The following SLC44A1 variants were observed in gnomAD, a reference collection of about 807,000 sequenced individuals.
SLC44A1 encodes the protein choline transporter-like protein 1.
SLC44A1 carries 26 observed loss-of-function variants against 79.3 expected under a neutral mutation model. The observed-to-expected ratio is 0.33, with a 90% CI of 0.24 to 0.46. The LOEUF (loss-of-function observed/expected upper bound fraction) is 0.46, where lower values mean the gene tolerates loss of function less well. Ranked by LOEUF, SLC44A1 falls within the 20% of genes least tolerant of loss-of-function variation. The pLI is 1.00. For synonymous variants in SLC44A1, 263 were observed against 286.2 expected (o/e 0.92, Z 0.82); for missense variants, 688 against 798.1 (o/e 0.86, Z 1.66).
At position 105,389,525 on chromosome 9, in the gene SLC44A1, A is replaced by T; in HGVS notation, c.*469A>T. Reference sequence around the variant, plus strand: ...GCATAAGTCCTAGTGGGTCAAGACTAGGCATATGCTTTCAGATAAATAAGG... The same window carrying T: ...GCATAAGTCCTAGTGGGTCAAGACTTGGCATATGCTTTCAGATAAATAAGG... On this transcript the variant is annotated 3_prime_UTR_variant, in exon 16 of 16. Coordinates refer to ENST00000374720, the MANE Select transcript of SLC44A1 (RefSeq NM_080546.5). 1 of 1,059,714 alleles carries T rather than the reference A, an allele frequency of 9.4e-7. No homozygotes were observed. Among genetic ancestry groups the T allele is most frequent in the Non-Finnish European group, 1.1e-6 (1 of 878,462 alleles). The allele number at this position is 1,059,714 out of a possible 1,614,324, so 65.6% of individuals were successfully genotyped here.
intron 10 of SLC44A1, 84 bp from the exon 11 acceptor site, chr9:105,365,399 C>A: frequency 1.0e-6 from 1 of 1,003,442 alleles, no homozygotes; most frequent in Non-Finnish European, 1.5e-6. Flanking sequence ...TTTTTTTTCA[C>A]TGCGTTGGAC....
chr9:105,295,638 T>C (rs1442752843), intron 1 of SLC44A1, among the ~76,000 whole-genome samples: 5 of 152,206 alleles, frequency 3.3e-5, no homozygotes, highest in Admixed American at 3.3e-4. Context: ...AATTATTGAG[T>C]TGGCTCCCAA....
Position 105,392,373 on chromosome 9 carries a change from CT to C in SLC44A1, c.*3321del. The C allele has an allele frequency of 1.4e-6, 1 of 695,066 alleles. No individual in the cohort carries two copies. Among genetic ancestry groups the C allele is most frequent in the African/African-American group, 2.7e-5 (1 of 36,448 alleles). 43.1% of individuals were successfully genotyped at this position (695,066 alleles called of 1,614,324 possible). A position where few individuals can be genotyped will look rare whatever the true frequency, so the allele number is the denominator to read the frequency against. On this transcript the variant is annotated 3_prime_UTR_variant, in exon 16 of 16. Transcript: ENST00000374720. Reference sequence around the variant, plus strand: ...TTAAAGTTATGCTAGAAATGTTTTTCTTTTGTAGAGATGCTCTCTCTCTCTC... The same window carrying C: ...TTAAAGTTATGCTAGAAATGTTTTTCTTTGTAGAGATGCTCTCTCTCTCTC...
At chr9:105,255,022 G>C (rs1295063872) in intron 1 of SLC44A1, among the ~76,000 whole-genome samples, 2 of 150,258 alleles carry the variant, frequency 1.3e-5, no homozygotes, top group African/African-American at 4.9e-5. Context: ...CTGTAATAAT[G>C]AGTACAATCC....
At chr9:105,384,068 A>G (rs191574815) in intron 14 of SLC44A1, among the ~76,000 whole-genome samples, 9 of 152,354 alleles carry the variant, frequency 5.9e-5, no homozygotes, top group Admixed American at 2.0e-4. Flanking sequence ...AAATATTTCT[A>G]TCTCAAAATG....
intron 1 of SLC44A1, among the ~76,000 whole-genome samples, chr9:105,293,073 C>G (rs1318307201): frequency 6.6e-6 from 1 of 152,164 alleles, no homozygotes; most frequent in Non-Finnish European, 1.5e-5. Context: ...AGGAAGATCA[C>G]TTGAGCCTGG....
At chr9:105,374,534 A>G (rs1210950126) in intron 12 of SLC44A1, 64 bp from the exon 13 acceptor site, 5 of 1,518,182 alleles carry the variant, frequency 3.3e-6, no homozygotes, top group Non-Finnish European at 4.5e-6. Context: ...AGCTATGCTC[A>G]GTTTCTATCT....
chr9:105,362,387 A>T (rs1827808558), intron 8 of SLC44A1, among the ~76,000 whole-genome samples: 3 of 152,106 alleles, frequency 2.0e-5, no homozygotes, highest in Admixed American at 1.3e-4. Context: ...TGAAGATGGG[A>T]TGTGGGGGTG....
intron 1 of SLC44A1, among the ~76,000 whole-genome samples, chr9:105,248,647 T>C (rs1829510870): frequency 2.0e-5 from 3 of 152,234 alleles, no homozygotes; most frequent in Non-Finnish European, 2.9e-5. Context: ...AGTCTTTGCC[T>C]AAAAGTCTTT....
intron 15 of SLC44A1, among the ~76,000 whole-genome samples, chr9:105,433,295 TCAAACAAA>T (rs112275450): frequency 1.2e-4 from 18 of 151,724 alleles, no homozygotes; most frequent in African/African-American, 3.9e-4. Flanking sequence ...AGACTCCATC[TCAAACAAA>T]CAAACAAACA....
chr9:105,307,455 C>T (rs2131304508), intron 2 of SLC44A1, among the ~76,000 whole-genome samples: 1 of 152,154 alleles, frequency 6.6e-6, no homozygotes, highest in East Asian at 1.9e-4. Flanking sequence ...ACCAGCCTGG[C>T]CAATATGGTG....
In SLC44A1 at chr9:105,322,136, A is replaced by C. The variant is rs996748151; in HGVS notation, c.269+12270A>C. ...ACCGTGGAAGTGGAGAAGAGATGAG[A>C]CCAGAAATCTAGGCTAAGTGTAGTT... On this transcript the variant is annotated intron_variant, in intron 3 of 15. Coordinates refer to ENST00000374720, the MANE Select transcript of SLC44A1 (RefSeq NM_080546.5). Among the ~76,000 whole-genome samples the C allele has an allele frequency of 9.2e-5, 14 of 152,214 alleles. 1 individual carries two copies. The highest frequency in any genetic ancestry group is 3.4e-4 in the African/African-American group (14 of 41,448).
intron 5 of SLC44A1, among the ~76,000 whole-genome samples, chr9:105,349,816 G>A (rs1277347961): frequency 6.6e-6 from 1 of 152,152 alleles, no homozygotes; most frequent in Non-Finnish European, 1.5e-5. Flanking sequence ...GAAAGCCTGG[G>A]TGTGAGAGGG....
At chr9:105,369,411 A>G (rs1045675492) in intron 12 of SLC44A1, among the ~76,000 whole-genome samples, 23 of 152,028 alleles carry the variant, frequency 1.5e-4, no homozygotes, top group African/African-American at 5.3e-4. Context: ...TCTTTGGGGT[A>G]TTTTTTTAAA....
intron 12 of SLC44A1, among the ~76,000 whole-genome samples, chr9:105,371,302 A>G (rs1828090831): frequency 6.6e-6 from 1 of 152,252 alleles, no homozygotes; most frequent in Admixed American, 6.5e-5. Context: ...ACCAGAGAGT[A>G]AATATTTTTG....
intron 8 of SLC44A1, among the ~76,000 whole-genome samples, chr9:105,361,981 G>C (rs1293279895): frequency 6.6e-6 from 1 of 152,156 alleles, no homozygotes; most frequent in African/African-American, 2.4e-5. Flanking sequence ...AGCCATGATT[G>C]TGTCACTGCA....
intron 3 of SLC44A1, among the ~76,000 whole-genome samples, chr9:105,324,506 G>A (rs2131338736): frequency 6.6e-6 from 1 of 152,162 alleles, no homozygotes; most frequent in East Asian, 1.9e-4. Flanking sequence ...ACCTGCCTCG[G>A]CCTCCCAAAG....
At chr9:105,421,293 A>G (rs1229454346) in intron 15 of SLC44A1, among the ~76,000 whole-genome samples, 1 of 152,204 alleles carries the variant, frequency 6.6e-6, no homozygotes, top group Non-Finnish European at 1.5e-5. Context: ...CCTAGTAAGC[A>G]AAAGCCACTG....
intron 3 of SLC44A1, among the ~76,000 whole-genome samples, chr9:105,320,063 A>G (rs929037524): frequency 1.3e-5 from 2 of 152,148 alleles, no homozygotes; most frequent in Non-Finnish European, 2.9e-5. Context: ...TGCTTTTCGT[A>G]GTATAGTTTT....
Sources: gnomAD v4.1 joint callset for allele counts (sites outside exome capture counted in the v4.1 genomes callset) on GRCh38, gnomAD v4.1.1 for gene constraint, MANE v1.5 for transcripts, NCBI Gene and HGNC (gene_info 2026-07-23, HGNC 2026-07-21) for gene names.